Variants in MTHFD1L observed in about 807,000 individuals in gnomAD.
MTHFD1L encodes the protein methylenetetrahydrofolate dehydrogenase (NADP+ dependent) 1 like.
A neutral mutation model predicts 119.5 loss-of-function variants in MTHFD1L; 81 were observed. That is an observed-to-expected ratio of 0.68 (90% CI 0.57 to 0.82). MTHFD1L has a LOEUF of 0.82. Among genes scored for constraint, MTHFD1L ranks in the 40% least tolerant of loss-of-function variants. The pLI is 0.00. For synonymous variants in MTHFD1L, 430 were observed against 475.2 expected (o/e 0.90, Z 1.24); for missense variants, 1,125 against 1,253.4 (o/e 0.90, Z 1.55).
At chr6:150,997,365 T>C (rs1379991440) in intron 20 of MTHFD1L, among the ~76,000 whole-genome samples, 1 of 149,334 alleles carries the variant, frequency 6.7e-6, no homozygotes. Context: ...TCTTACTTCA[T>C]TTGTTTTCAT....
intron 26 of MTHFD1L, among the ~76,000 whole-genome samples, chr6:151,043,260 T>C (rs1188892213): frequency 8.2e-6 from 1 of 122,364 alleles, no homozygotes; most frequent in African/African-American, 3.6e-5. Context: ...TGTTTTCTCT[T>C]TTTTTTTTTT....
intron 14 of MTHFD1L, among the ~76,000 whole-genome samples, chr6:150,944,978 A>G (rs1793690801): frequency 6.6e-6 from 1 of 152,230 alleles, no homozygotes; most frequent in South Asian, 2.1e-4. Context: ...GAGCTATTTT[A>G]GATGTGCTGA....
At chr6:150,899,879 G>A (rs1297228944) in intron 7 of MTHFD1L, among the ~76,000 whole-genome samples, 1 of 151,806 alleles carries the variant, frequency 6.6e-6, no homozygotes, top group Non-Finnish European at 1.5e-5. Flanking sequence ...GGCTGAGACA[G>A]GAGAATCGTT....
At chr6:150,979,246 TAAG>T (rs1004098232) in intron 20 of MTHFD1L, among the ~76,000 whole-genome samples, 4 of 151,994 alleles carry the variant, frequency 2.6e-5, no homozygotes, top group Non-Finnish European at 4.4e-5. Context: ...CTCAAAAAAA[TAAG>T]AAGAATTTTG....
intron 8 of MTHFD1L, among the ~76,000 whole-genome samples, chr6:150,913,476 T>G (rs1251691519): frequency 6.6e-6 from 1 of 152,040 alleles, no homozygotes; most frequent in Non-Finnish European, 1.5e-5. Flanking sequence ...CAACTGATTT[T>G]TGTACCTTTT....
intron 26 of MTHFD1L, among the ~76,000 whole-genome samples, chr6:151,069,001 A>G (rs1030005195): frequency 1.3e-5 from 2 of 152,110 alleles, no homozygotes; most frequent in Non-Finnish European, 2.9e-5. Context: ...ACATTTTTGG[A>G]AAGAGCTAAA....
chr6:151,058,823 G>A (rs532012467), intron 26 of MTHFD1L, among the ~76,000 whole-genome samples: 77 of 152,336 alleles, frequency 5.1e-4, no homozygotes, highest in Non-Finnish European at 9.8e-4. Flanking sequence ...ACAGGCATGT[G>A]CCGCCACGCC....
At chr6:151,049,959 C>T (rs966226922) in intron 26 of MTHFD1L, among the ~76,000 whole-genome samples, 1 of 152,082 alleles carries the variant, frequency 6.6e-6, no homozygotes, top group African/African-American at 2.4e-5. Context: ...GAGGGTCCCA[C>T]CCTACACCTT....
chr6:150,908,651 A>C (rs1295849421), intron 8 of MTHFD1L, among the ~76,000 whole-genome samples: 1 of 151,986 alleles, frequency 6.6e-6, no homozygotes, highest in African/African-American at 2.4e-5. Context: ...AAAGAAAAAA[A>C]AATGGGCTCA....
At chr6:150,912,494 C>T (rs1231313952) in intron 8 of MTHFD1L, among the ~76,000 whole-genome samples, 3 of 152,030 alleles carry the variant, frequency 2.0e-5, no homozygotes, top group South Asian at 2.1e-4. Flanking sequence ...GAGATGTTTC[C>T]GCAGAGCCGA....
chr6:150,876,366 G>A (rs1290153964), intron 2 of MTHFD1L, among the ~76,000 whole-genome samples, 192 bp downstream of exon 2: 1 of 152,136 alleles, frequency 6.6e-6, no homozygotes, highest in Non-Finnish European at 1.5e-5. Flanking sequence ...GTCTTCTTTT[G>A]TGAATTTTCC....
At chr6:150,915,428 A>C (rs1262572107) in intron 8 of MTHFD1L, among the ~76,000 whole-genome samples, 1 of 152,158 alleles carries the variant, frequency 6.6e-6, no homozygotes, top group Non-Finnish European at 1.5e-5. Flanking sequence ...AAATATCCAC[A>C]CTTTTGCTAA....
chr6:150,994,105 G>A (rs803503), intron 20 of MTHFD1L, among the ~76,000 whole-genome samples: 26,949 of 113,072 alleles, frequency 0.24, 5,550 homozygotes, highest in East Asian at 0.46. Context: ...AAGTGACCCA[G>A]CACTATAATA....
intron 17 of MTHFD1L, 105 bp downstream of exon 17, chr6:150,956,176 G>T: frequency 8.7e-7 from 1 of 1,153,142 alleles, no homozygotes; most frequent in Non-Finnish European, 1.3e-6. Context: ...ACCTGTTGTG[G>T]CCAGTGGTTC....
chr6:150,960,250 A>T, intron 17 of MTHFD1L, 25 bp from the exon 18 acceptor site: 1 of 1,598,662 alleles, frequency 6.3e-7, no homozygotes, highest in African/African-American at 1.3e-5. Flanking sequence ...GTCGCTGACC[A>T]CTACCTGTGT....
chr6:150,874,459 G>A (rs1336789793), intron 1 of MTHFD1L, among the ~76,000 whole-genome samples: 1 of 152,206 alleles, frequency 6.6e-6, no homozygotes, highest in Non-Finnish European at 1.5e-5. Flanking sequence ...GAAAACTGGG[G>A]AAAGCTTCCC....
intron 26 of MTHFD1L, among the ~76,000 whole-genome samples, chr6:151,041,479 A>G (rs1265888422): frequency 1.3e-5 from 2 of 152,160 alleles, no homozygotes; most frequent in Admixed American, 6.5e-5. Context: ...TAGTCACCCA[A>G]TGTGCACTTA....
intron 27 of MTHFD1L, chr6:151,099,817 G>A (rs1398870401): frequency 8.9e-5 from 143 of 1,603,594 alleles, no homozygotes; most frequent in Non-Finnish European, 1.0e-4. Context: ...TACTTGTGCC[G>A]AGATCGCTCA....
chr6:150,891,046 C>T (rs925292601), intron 7 of MTHFD1L, among the ~76,000 whole-genome samples: 2 of 152,156 alleles, frequency 1.3e-5, no homozygotes, highest in Admixed American at 6.5e-5. Context: ...AGTGCAGTGG[C>T]GCGAACTCGG....
Sources: gnomAD v4.1 joint callset for allele counts (sites outside exome capture counted in the v4.1 genomes callset) on GRCh38, gnomAD v4.1.1 for gene constraint, MANE v1.5 for transcripts, NCBI Gene and HGNC (gene_info 2026-07-23, HGNC 2026-07-21) for gene names.